Variants in EDA observed in about 807,000 individuals in gnomAD.
EDA encodes the protein ectodysplasin-A.
In EDA, 2 loss-of-function variants were observed where a neutral mutation model predicts 23.6. That is an observed-to-expected ratio of 0.08 (90% confidence interval 0.03 to 0.27). The LOEUF (loss-of-function observed/expected upper bound fraction) is 0.27, where lower values mean the gene tolerates loss of function less well. Among genes scored for constraint, EDA ranks in the 10% least tolerant of loss-of-function variants. EDA has a pLI of 1.00. For missense variants in EDA, 229 were observed against 324.2 expected, an observed-to-expected ratio of 0.71 and a Z score of 2.26; for synonymous variants, 131 against 132.0, an observed-to-expected ratio of 0.99 and a Z score of 0.05.
At chrX:69,767,107 A>G (rs1274439098) in intron 1 of EDA, among the ~76,000 whole-genome samples, 1 of 111,613 alleles carries the variant, frequency 9.0e-6, no homozygotes, top group African/African-American at 3.3e-5. Context: ...GGCTAGAAAG[A>G]GCCACCTTTC....
intron 1 of EDA, among the ~76,000 whole-genome samples, chrX:69,666,684 G>A (rs910289232): frequency 1.3e-4 from 14 of 111,637 alleles, no homozygotes; most frequent in African/African-American, 4.6e-4. Flanking sequence ...ATGTATTGTT[G>A]GATTTTGTTT....
chrX:69,817,365 A>G (rs1048549975), intron 1 of EDA, among the ~76,000 whole-genome samples: 28 of 111,738 alleles, frequency 2.5e-4, no homozygotes, highest in African/African-American at 9.1e-4. Flanking sequence ...ACTCACACAT[A>G]ACAATAATAA....
intron 1 of EDA, among the ~76,000 whole-genome samples, chrX:69,697,782 C>A (rs2011400671): frequency 1.8e-5 from 2 of 112,128 alleles, no homozygotes; most frequent in African/African-American, 3.2e-5. Flanking sequence ...CCCATCCCTT[C>A]CAGGTTTGGA....
In EDA at chrX:69,655,082, A is replaced by G. The variant is rs751253761; in HGVS notation, c.396+38378A>G. On this transcript the variant is annotated intron_variant, in intron 1 of 7. Transcript: ENST00000374552. ...AAACTTCTGCTATGTGCTAGGCTAA[A>G]TGCTAGAGATAGAATAGAAAATAAA... Among the ~76,000 whole-genome samples the G allele has an allele frequency of 4.5e-5, 5 of 112,275 alleles. No homozygotes were observed. The South Asian group carries it at 1.9e-3, about 42-fold the overall frequency.
Position 70,038,161 on chromosome X carries a change from G to A in EDA, c.*2552G>A, listed in dbSNP as rs1340918908. 1.8e-5 allele frequency: 2 copies of A among 110,978 alleles called. No homozygotes were observed. Among genetic ancestry groups the A allele is most frequent in the East Asian group, 5.7e-4 (2 of 3,495 alleles). 9.1% of individuals were successfully genotyped at this position (110,978 alleles called of 1,213,427 possible). On this transcript the variant is annotated 3_prime_UTR_variant, in exon 8 of 8. Coordinates refer to ENST00000374552, the MANE Select transcript of EDA (RefSeq NM_001399.5). ...AGGCCAGAAAGGTGTGAGGAGAGAG[G>A]AGGAAAAGTCTTCCTAATTGTGCCC...
intron 1 of EDA, among the ~76,000 whole-genome samples, chrX:69,696,069 A>G (rs1186504451): frequency 9.1e-6 from 1 of 110,167 alleles, no homozygotes; most frequent in Non-Finnish European, 1.9e-5. Flanking sequence ...GTGAAACCCC[A>G]TCTCTACTAA....
At chrX:69,828,020 G>A (rs1483387591) in intron 1 of EDA, among the ~76,000 whole-genome samples, 1 of 110,965 alleles carries the variant, frequency 9.0e-6, no homozygotes. Context: ...TCAGGGGTCA[G>A]GGGTCAGGGA....
intron 1 of EDA, among the ~76,000 whole-genome samples, chrX:69,683,707 G>GTAGA (rs1194857368): frequency 9.0e-6 from 1 of 111,146 alleles, no homozygotes; most frequent in Non-Finnish European, 1.9e-5. Flanking sequence ...CTTGAACATG[G>GTAGA]TAGATGCTCA....
At chrX:69,691,441 G>C (rs1934708714) in intron 1 of EDA, among the ~76,000 whole-genome samples, 1 of 111,399 alleles carries the variant, frequency 9.0e-6, no homozygotes, top group Admixed American at 9.6e-5. Flanking sequence ...TTTAAAGTCT[G>C]AAAAAATATT....
At chrX:69,754,328 T>C (rs1236481658) in intron 1 of EDA, among the ~76,000 whole-genome samples, 1 of 111,597 alleles carries the variant, frequency 9.0e-6, no homozygotes, top group Non-Finnish European at 1.9e-5. Context: ...CTATGAAGCT[T>C]AGTTTGGCTG....
chrX:69,960,731 A>G (rs12845141), intron 2 of EDA, among the ~76,000 whole-genome samples: 1 of 110,709 alleles, frequency 9.0e-6, no homozygotes, highest in African/African-American at 3.3e-5. Flanking sequence ...AAATTTAACT[A>G]TCTAAGCTCA....
rs1468986688 is a variant in EDA, at chrX:69,942,877, T to A, written c.397-14150T>A. On this transcript the variant is annotated intron_variant, in intron 1 of 7. Transcript: ENST00000374552. ...TAGATCTTATAGGCATGCTTCATTT[T>A]TTTGTATTCTTTTTTCTTTTGTCTC... Among the ~76,000 whole-genome samples the A allele has an allele frequency of 4.5e-5, 5 of 110,856 alleles. No homozygotes were observed. The Admixed American group carries it at 4.8e-4, about 11-fold the overall frequency.
chrX:69,921,037 G>A (rs1339479978), intron 1 of EDA, among the ~76,000 whole-genome samples: 3 of 110,281 alleles, frequency 2.7e-5, no homozygotes, highest in African/African-American at 6.6e-5. Flanking sequence ...AATCCAATAC[G>A]CTTTATTCTG....
intron 1 of EDA, among the ~76,000 whole-genome samples, chrX:69,750,918 A>G (rs190482390): frequency 3.0e-4 from 33 of 111,034 alleles, no homozygotes; most frequent in African/African-American, 8.8e-4. Flanking sequence ...TAGATTCTGG[A>G]TATTAGCCCT....
chrX:69,865,133 A>G (rs2017464295), intron 1 of EDA, among the ~76,000 whole-genome samples: 1 of 111,216 alleles, frequency 9.0e-6, no homozygotes, highest in African/African-American at 3.3e-5. Context: ...AGAATCAAAC[A>G]AGCATAAAAA....
intron 2 of EDA, among the ~76,000 whole-genome samples, chrX:69,963,252 A>G (rs1195955460): frequency 8.9e-6 from 1 of 112,353 alleles, no homozygotes; most frequent in African/African-American, 3.2e-5. Flanking sequence ...TATGATGTCA[A>G]AGAAAACAGA....
At chrX:69,841,024 A>G (rs1272384092) in intron 1 of EDA, among the ~76,000 whole-genome samples, 1 of 112,443 alleles carries the variant, frequency 8.9e-6, no homozygotes, top group African/African-American at 3.2e-5. Flanking sequence ...GAGGGGACAC[A>G]TTCAAACCAT....
chrX:69,624,805 T>G (rs1314223724), intron 1 of EDA, among the ~76,000 whole-genome samples: 2 of 108,861 alleles, frequency 1.8e-5, no homozygotes, highest in African/African-American at 6.7e-5. Context: ...TCTCTCTCTC[T>G]CTCTCTCTCT....
chrX:69,756,518 A>G (rs1327383942), intron 1 of EDA, among the ~76,000 whole-genome samples: 1 of 111,452 alleles, frequency 9.0e-6, no homozygotes, highest in African/African-American at 3.3e-5. Flanking sequence ...ATAGGTTTGG[A>G]GAGCCCTCAT....
Sources: gnomAD v4.1 joint callset for allele counts (sites outside exome capture counted in the v4.1 genomes callset) on GRCh38, gnomAD v4.1.1 for gene constraint, MANE v1.5 for transcripts, NCBI Gene and HGNC (gene_info 2026-07-23, HGNC 2026-07-21) for gene names.